RCBTB2: variants seen among roughly 807,000 people sequenced by gnomAD.
The protein encoded by RCBTB2 is RCC1 and BTB domain containing protein 2.
Under a neutral mutation model 65.4 loss-of-function variants are expected in RCBTB2, and 55 were observed. The ratio of observed to expected loss-of-function variants is 0.84; its 90% CI spans 0.68 to 1.05. RCBTB2 has a LOEUF of 1.05. Ranked by LOEUF, RCBTB2 falls within the 50% of genes least tolerant of loss-of-function variation. The pLI is 0.00. For missense variants in RCBTB2, 599 were observed against 680.1 expected, an observed-to-expected ratio of 0.88 and a Z score of 1.33; for synonymous variants, 220 against 255.2, an observed-to-expected ratio of 0.86 and a Z score of 1.31.
intron 14 of RCBTB2, chr13:48,492,451 C>G (rs1949735697): frequency 6.6e-6 from 1 of 152,226 alleles, no homozygotes; most frequent in Non-Finnish European, 1.5e-5. Flanking sequence ...TCAAATGCCC[C>G]AAAGCTCTTC....
chr13:48,512,156 T>C lies in RCBTB2; in HGVS notation c.535A>G (p.Asn179Asp), dbSNP rs775495256. The C allele has an allele frequency of 3.7e-6, 6 of 1,613,810 alleles. No individual in the cohort carries two copies. Among genetic ancestry groups the C allele is most frequent in the Non-Finnish European group, 4.2e-6 (5 of 1,179,704 alleles). The change falls in exon 8 of 15, where the codon AAT becomes GAT. Residue 179 changes from asparagine (N) to aspartate (D), a missense_variant. By Grantham distance (23) the Asn-to-Asp change is conservative. Transcript: ENST00000344532. ...CCAGATCCTACCTGCCCAGAGTTATTATAACCCCAGGCAAATACCTGTTTA... is the reference window on the plus strand; with the variant it reads ...CCAGATCCTACCTGCCCAGAGTTATCATAACCCCAGGCAAATACCTGTTTA... ...SDGEVFAWGY[N>D]NSGQVGSGST...
chr13:48,510,585 A>G (rs1950727260), intron 10 of RCBTB2, 44 bp downstream of exon 10: 18 of 1,596,360 alleles, frequency 1.1e-5, no homozygotes, highest in Non-Finnish European at 1.5e-5. Flanking sequence ...TTTAATCACA[A>G]TCACCAAAGA....
chr13:48,513,691 C>A (rs985247765), intron 6 of RCBTB2, among the ~76,000 whole-genome samples: 1 of 152,186 alleles, frequency 6.6e-6, no homozygotes, highest in Non-Finnish European at 1.5e-5. Flanking sequence ...ATAATCCCTG[C>A]AGATTATTTT....
chr13:48,499,586 A>G, intron 13 of RCBTB2, 35 bp downstream of exon 13: 9 of 1,610,102 alleles, frequency 5.6e-6, no homozygotes, highest in Non-Finnish European at 7.6e-6. Context: ...GTTCCTCAAC[A>G]TTTTGCCAAG....
chr13:48,514,993 C>T (rs1951003010), intron 6 of RCBTB2, among the ~76,000 whole-genome samples: 1 of 152,208 alleles, frequency 6.6e-6, no homozygotes, highest in Non-Finnish European at 1.5e-5. Flanking sequence ...ACTGGGCTTA[C>T]AGCGTTGTCA....
At chr13:48,531,626 G>A (rs1403830352) in intron 1 of RCBTB2, among the ~76,000 whole-genome samples, 3 of 152,206 alleles carry the variant, frequency 2.0e-5, no homozygotes, top group Non-Finnish European at 4.4e-5. Flanking sequence ...GAGCAATAAG[G>A]CCTGAGTGGT....
chr13:48,511,893 A>G lies in RCBTB2; in HGVS notation c.676-16T>C, dbSNP rs1197192029. On this transcript the variant is annotated splice_polypyrimidine_tract_variant and intron_variant, in intron 8 of 14. Coordinates refer to ENST00000344532, the MANE Select transcript of RCBTB2 (RefSeq NM_001268.4). ...AGACATAGACCTGAGAGAAAATGAG[A>G]CCCTCAATCCTCTCAAGAGACAAAT... 12 of 1,613,340 alleles carry G rather than the reference A, an allele frequency of 7.4e-6. No individual in the cohort carries two copies. The highest frequency in any genetic ancestry group is 9.3e-6 in the Non-Finnish European group (11 of 1,179,516).
In RCBTB2 at chr13:48,525,579, C is replaced by T. The variant is rs117750847; in HGVS notation, c.-218-822G>A. Among the ~76,000 whole-genome samples, 177 of 151,530 alleles carry T rather than the reference C, an allele frequency of 1.2e-3. 3 individuals are homozygous for T. The East Asian group carries it at 0.031, about 27-fold the overall frequency. ...TTCAATTTCATTTTAAAAGAAAATGCTGATCTCAGCCCACTAATTTCCAGA... is the reference window on the plus strand; with the variant it reads ...TTCAATTTCATTTTAAAAGAAAATGTTGATCTCAGCCCACTAATTTCCAGA... On this transcript the variant is annotated intron_variant, in intron 1 of 14. Coordinates refer to ENST00000344532, the MANE Select transcript of RCBTB2 (RefSeq NM_001268.4).
At chr13:48,532,928 G>T in intron 1 of RCBTB2, 100 bp downstream of exon 1, 2 of 450,642 alleles carry the variant, frequency 4.4e-6, no homozygotes, top group South Asian at 3.1e-5. Context: ...TCGGGCCGCA[G>T]GGGCGGGGAG....
chr13:48,497,378 G>A (rs757076388), intron 13 of RCBTB2, among the ~76,000 whole-genome samples: 1 of 152,146 alleles, frequency 6.6e-6, no homozygotes, highest in East Asian at 1.9e-4. Flanking sequence ...GTAATTCAAC[G>A]TAGACTGGGT....
intron 1 of RCBTB2, among the ~76,000 whole-genome samples, chr13:48,527,023 A>T (rs996208048): frequency 2.0e-5 from 3 of 151,936 alleles, no homozygotes; most frequent in Non-Finnish European, 4.4e-5. Context: ...CAAAATAGTT[A>T]AAAAAATGTT....
intron 1 of RCBTB2, 41 bp downstream of exon 1, chr13:48,532,968 CATCCCACGTCACGGCCGCG>C: frequency 4.4e-6 from 2 of 455,538 alleles, no homozygotes; most frequent in South Asian, 3.1e-5. Context: ...TACCTGACAG[CATCCCACGTCACGGCCGCG>C]ATCCCCCTCG....
At chr13:48,517,828 C>A (rs1951177594) in intron 4 of RCBTB2, among the ~76,000 whole-genome samples, 1 of 152,128 alleles carries the variant, frequency 6.6e-6, no homozygotes, top group Admixed American at 6.5e-5. Context: ...CCACCTAGAA[C>A]CTCAGAAGGT....
chr13:48,535,596 C>G, upstream of RCBTB2: 1 of 451,454 alleles, frequency 2.2e-6, no homozygotes, highest in Non-Finnish European at 4.5e-6. Context: ...AGGCTTTTGC[C>G]CCTACCCCTC....
chr13:48,505,598 G>T lies in RCBTB2; in HGVS notation c.927-2684C>A, dbSNP rs1368883200. On this transcript the variant is annotated intron_variant, in intron 10 of 14. Coordinates refer to ENST00000344532, the MANE Select transcript of RCBTB2 (RefSeq NM_001268.4). The stretch of plus-strand genomic sequence containing the variant: ...GAGAAGTACGTCCACTGTTAGTATC[G>T]ATTTTACTGGCAAGCCTCCTAAGTT... Among the ~76,000 whole-genome samples, 3 of 152,186 alleles carry T rather than the reference G, an allele frequency of 2.0e-5. No homozygotes were observed. In the East Asian group the frequency reaches 5.8e-4, roughly 29 times the overall value.
At chr13:48,527,618 G>C (rs1951880499) in intron 1 of RCBTB2, among the ~76,000 whole-genome samples, 1 of 151,958 alleles carries the variant, frequency 6.6e-6, no homozygotes, top group African/African-American at 2.4e-5. Context: ...AGTAGTTCAA[G>C]TCTGTACAAA....
intron 10 of RCBTB2, among the ~76,000 whole-genome samples, chr13:48,503,236 G>A (rs1425021974): frequency 6.6e-6 from 1 of 152,130 alleles, no homozygotes; most frequent in Non-Finnish European, 1.5e-5. Flanking sequence ...ACCCAAGAGA[G>A]TAGTGGTCCC....
At chr13:48,515,856 T>C in intron 4 of RCBTB2, 115 bp from the exon 5 acceptor site, 1 of 1,029,778 alleles carries the variant, frequency 9.7e-7, no homozygotes, top group African/African-American at 1.6e-5. Flanking sequence ...ACTGCATCCA[T>C]TTTTGAGAGG....
chr13:48,525,917 A>T (rs1951704684), intron 1 of RCBTB2, among the ~76,000 whole-genome samples: 1 of 152,200 alleles, frequency 6.6e-6, no homozygotes, highest in African/African-American at 2.4e-5. Flanking sequence ...ATGGATACCA[A>T]CATATGCATG....
Sources: allele counts gnomAD v4.1 joint callset (sites outside exome capture counted in the v4.1 genomes callset), GRCh38; gene constraint gnomAD v4.1.1; transcripts MANE v1.5; gene names NCBI Gene and HGNC (gene_info 2026-07-23, HGNC 2026-07-21).